Variants in LRP1B observed in about 807,000 individuals in gnomAD.
The protein encoded by LRP1B is LDL receptor related protein 1B, also known as low-density lipoprotein receptor-related protein 1B.
LRP1B carries 217 observed loss-of-function variants against 556.6 expected under a neutral mutation model. The ratio of observed to expected loss-of-function variants is 0.39; its 90% CI spans 0.35 to 0.44. The LOEUF is 0.44. Ranked by LOEUF, LRP1B falls within the 20% of genes least tolerant of loss-of-function variation. The pLI is 1.00. For missense variants in LRP1B, 5,053 were observed against 5,620.8 expected, an observed-to-expected ratio of 0.90 and a Z score of 3.23; for synonymous variants, 2,047 against 1,865.8, an observed-to-expected ratio of 1.10 and a Z score of -2.50.
chr2:141,340,184 A>G (rs1359779960), intron 3 of LRP1B, among the ~76,000 whole-genome samples: 1 of 152,230 alleles, frequency 6.6e-6, no homozygotes, highest in East Asian at 1.9e-4. Context: ...CAACTTTTGA[A>G]TAGTTTGGAA....
chr2:141,812,964 CAT>C (rs1491454387), intron 1 of LRP1B, among the ~76,000 whole-genome samples: 3 of 151,802 alleles, frequency 2.0e-5, no homozygotes, highest in African/African-American at 7.3e-5. Context: ...TTCATGTGTA[CAT>C]GTGTCTGTGA....
chr2:141,555,602 T>G (rs1685933393), intron 2 of LRP1B, among the ~76,000 whole-genome samples: 1 of 151,912 alleles, frequency 6.6e-6, no homozygotes, highest in Non-Finnish European at 1.5e-5. Flanking sequence ...TGCCTAAAAT[T>G]TCTGCAGTGA....
rs61008140 is a variant in LRP1B at position 141,103,522 on chromosome 2, T to TTCTCTCTCTCTCTCTCTCTCTC, written c.1014-41250_1014-41249insGAGAGAGAGAGAGAGAGAGAGA. Among the ~76,000 whole-genome samples, 809 of 149,058 alleles carry TTCTCTCTCTCTCTCTCTCTCTC rather than the reference T, an allele frequency of 5.4e-3. 4 individuals carry two copies. Among genetic ancestry groups the TTCTCTCTCTCTCTCTCTCTCTC allele is most frequent in the South Asian group, 0.019 (92 of 4,734 alleles). ...CAGAAGCTGGGCCATAGCACACACATTCTCTCTCTCTCTTAAAAAGTTCAG... is the reference window on the plus strand; with the variant it reads ...CAGAAGCTGGGCCATAGCACACACATTCTCTCTCTCTCTCTCTCTCTCTCTCTCTCTCTCTTAAAAAGTTCAG... On this transcript the variant is annotated intron_variant, in intron 7 of 90. Coordinates refer to ENST00000389484, the MANE Select transcript of LRP1B (RefSeq NM_018557.3).
chr2:141,274,655 T>C (rs1685217219), intron 3 of LRP1B, among the ~76,000 whole-genome samples: 1 of 152,168 alleles, frequency 6.6e-6, no homozygotes, highest in Non-Finnish European at 1.5e-5. Flanking sequence ...TATAAATATA[T>C]TAAAAATCTT....
intron 5 of LRP1B, among the ~76,000 whole-genome samples, chr2:141,241,296 C>T (rs1443524895): frequency 2.0e-5 from 3 of 152,014 alleles, no homozygotes; most frequent in Non-Finnish European, 4.4e-5. Flanking sequence ...CAAAGGCAGG[C>T]TGGGAAGCTT....
At chr2:140,903,307 TG>T (rs1380953689) in intron 22 of LRP1B, 142 bp from the exon 23 acceptor site, 24 of 890,560 alleles carry the variant, frequency 2.7e-5, no homozygotes, top group Non-Finnish European at 4.0e-5. Flanking sequence ...GGCTTATTTT[TG>T]CTTCAGGGGT....
At chr2:142,074,405 G>T (rs1705426829) in intron 1 of LRP1B, among the ~76,000 whole-genome samples, 1 of 151,894 alleles carries the variant, frequency 6.6e-6, no homozygotes, top group Admixed American at 6.6e-5. Context: ...AATTCTCAAG[G>T]TTCCATCATT....
intron 2 of LRP1B, among the ~76,000 whole-genome samples, chr2:141,708,389 A>T (rs977296819): frequency 1.2e-4 from 18 of 152,116 alleles, no homozygotes; most frequent in Admixed American, 5.9e-4. Context: ...TGAGCAGCAG[A>T]CAGAGTTGGT....
In LRP1B at chr2:140,526,090, T is replaced by A; in HGVS notation, c.7877-97A>T. 3 of 1,401,762 alleles carry A rather than the reference T, an allele frequency of 2.1e-6. No individual in the cohort carries two copies. In the South Asian group the frequency reaches 3.8e-5, roughly 18 times the overall value. 86.8% of individuals were successfully genotyped at this position (1,401,762 alleles called of 1,614,324 possible). Reference sequence around the variant, plus strand: ...AGAGATGAGAAAAGTTAACTTCATTTGAGGAAATAGATACGTAATTATCCC... The same window carrying A: ...AGAGATGAGAAAAGTTAACTTCATTAGAGGAAATAGATACGTAATTATCCC... On this transcript the variant is annotated intron_variant, in intron 48 of 90. Transcript: ENST00000389484.
rs557570949 is a variant in LRP1B at position 140,759,959 on chromosome 2, T to C, written c.5758+9254A>G. 2.0e-5 allele frequency among the ~76,000 whole-genome samples: 3 copies of C among 152,254 alleles called. No individual in the cohort carries two copies. The South Asian group carries it at 6.2e-4, about 32-fold the overall frequency. On this transcript the variant is annotated intron_variant, in intron 35 of 90. Transcript: ENST00000389484. ...AAGAGCTACAGTGCTGAAGAGTCCT[T>C]AAGTAAGATTTGGCTTAAGTTACTA... is the stretch of plus-strand genomic sequence containing the variant.
intron 2 of LRP1B, among the ~76,000 whole-genome samples, chr2:141,694,164 G>T (rs1162181947): frequency 6.6e-6 from 1 of 151,894 alleles, no homozygotes; most frequent in Non-Finnish European, 1.5e-5. Flanking sequence ...TCTAAGCCTT[G>T]GTTTCTTCAC....
intron 2 of LRP1B, among the ~76,000 whole-genome samples, chr2:141,652,906 T>C (rs1353864894): frequency 6.6e-6 from 1 of 152,182 alleles, no homozygotes; most frequent in African/African-American, 2.4e-5. Context: ...CTGTGATTCC[T>C]TCATATGCTA....
chr2:140,564,599 T>C (rs1156307541), intron 43 of LRP1B, among the ~76,000 whole-genome samples: 1 of 152,132 alleles, frequency 6.6e-6, no homozygotes, highest in Non-Finnish European at 1.5e-5. Context: ...CATTCAATAC[T>C]AAGATATCCT....
At position 141,708,194 on chromosome 2, in the gene LRP1B, C is replaced by T. The variant is rs989454886; in HGVS notation, c.205+102085G>A. On this transcript the variant is annotated intron_variant, in intron 2 of 90. Transcript: ENST00000389484. ...TACCTATGTAACAAACCTGCACGTC[C>T]GCACATGTATCCCAGGACTTAATAT... Among the ~76,000 whole-genome samples the T allele has an allele frequency of 6.6e-5, 10 of 151,172 alleles. 1 individual carries two copies. Among genetic ancestry groups the T allele is most frequent in the East Asian group, 5.8e-4 (3 of 5,162 alleles).
At chr2:141,033,811 G>C (rs1304345011) in intron 11 of LRP1B, among the ~76,000 whole-genome samples, 1 of 152,124 alleles carries the variant, frequency 6.6e-6, no homozygotes, top group South Asian at 2.1e-4. Context: ...CCTACCTCTA[G>C]AACTGTGAAC....
At chr2:141,334,390 T>C (rs1687770236) in intron 3 of LRP1B, among the ~76,000 whole-genome samples, 1 of 152,276 alleles carries the variant, frequency 6.6e-6, no homozygotes, top group Non-Finnish European at 1.5e-5. Context: ...CGTCCACTCC[T>C]GCTTTGACTT....
chr2:140,375,165 CTGTGTGTATGTG>C (rs1233965124), intron 68 of LRP1B, among the ~76,000 whole-genome samples: 1 of 134,714 alleles, frequency 7.4e-6, no homozygotes, highest in Non-Finnish European at 1.6e-5. Context: ...GATTTTTATA[CTGTGTGTATGTG>C]TGTGTGTGTG....
intron 41 of LRP1B, among the ~76,000 whole-genome samples, chr2:140,671,423 A>G (rs1685479809): frequency 6.6e-6 from 1 of 152,206 alleles, no homozygotes; most frequent in East Asian, 1.9e-4. Context: ...TGGGAGGCTG[A>G]GGCAGGAGAA....
intron 1 of LRP1B, among the ~76,000 whole-genome samples, chr2:142,072,017 C>T (rs1371855875): frequency 6.6e-6 from 1 of 151,910 alleles, no homozygotes; most frequent in Non-Finnish European, 1.5e-5. Flanking sequence ...TTGATTCTTT[C>T]CTCTCCCTCT....
Sources: allele counts gnomAD v4.1 joint callset (sites outside exome capture counted in the v4.1 genomes callset), GRCh38; gene constraint gnomAD v4.1.1; transcripts MANE v1.5; gene names NCBI Gene and HGNC (gene_info 2026-07-23, HGNC 2026-07-21).